SRP54: variants seen among roughly 807,000 people sequenced by gnomAD.
SRP54 encodes signal recognition particle subunit SRP54.
A neutral mutation model predicts 64.8 loss-of-function variants in SRP54; 10 were observed. The observed-to-expected ratio is 0.15, with a 90% CI of 0.10 to 0.26. SRP54 has a LOEUF of 0.26. SRP54 is among the 10% of genes least tolerant of loss of function. The pLI is 1.00. For synonymous variants in SRP54, 193 were observed against 185.6 expected, an observed-to-expected ratio of 1.04 and a Z score of -0.32; for missense variants, 325 against 613.7, an observed-to-expected ratio of 0.53 and a Z score of 4.97.
At chr14:35,001,577 G>A (rs554990103) in intron 4 of SRP54, among the ~76,000 whole-genome samples, 2 of 152,248 alleles carry the variant, frequency 1.3e-5, no homozygotes, top group East Asian at 1.9e-4. Flanking sequence ...CTACAGATTT[G>A]TTGATGGAAG....
intron 1 of SRP54, chr14:34,993,511 A>G (rs2044015753): frequency 3.3e-5 from 5 of 152,076 alleles, no homozygotes; most frequent in Admixed American, 3.3e-4. Flanking sequence ...AAATTACCAA[A>G]TTGTACTTGA....
intron 14 of SRP54, 64 bp from the exon 15 acceptor site, chr14:35,028,024 C>A: frequency 2.9e-6 from 3 of 1,030,504 alleles, no homozygotes; most frequent in East Asian, 2.5e-5. Flanking sequence ...TTCTATTATA[C>A]CCTGATTATA....
chr14:34,998,965 TTGTGTGTATGTGTG>T (rs1322356100), intron 2 of SRP54, among the ~76,000 whole-genome samples: 60 of 121,868 alleles, frequency 4.9e-4, no homozygotes, highest in Non-Finnish European at 8.1e-4. Flanking sequence ...TATTATTACT[TTGTGTGTATGTGTG>T]TGTGTGTGTG....
At chr14:34,993,806 C>T (rs1566642891) in intron 1 of SRP54, among the ~76,000 whole-genome samples, 1 of 151,904 alleles carries the variant, frequency 6.6e-6, no homozygotes, top group Non-Finnish European at 1.5e-5. Flanking sequence ...AGCGATTCAC[C>T]TGTCTCAGCC....
At chr14:35,009,853 C>A (rs1213574957) in intron 7 of SRP54, among the ~76,000 whole-genome samples, 7 of 151,934 alleles carry the variant, frequency 4.6e-5, no homozygotes, top group Non-Finnish European at 8.8e-5. Flanking sequence ...TATAGCAAGA[C>A]CTCATCTCTA....
chr14:35,005,238 T>C (rs1445466697), intron 4 of SRP54, among the ~76,000 whole-genome samples: 1 of 152,132 alleles, frequency 6.6e-6, no homozygotes, highest in Non-Finnish European at 1.5e-5. Flanking sequence ...GAGGCTGAGA[T>C]GGTAGGATCG....
chr14:34,996,542 G>A (rs926419508), intron 1 of SRP54, 135 bp from the exon 2 acceptor site: 13 of 525,464 alleles, frequency 2.5e-5, no homozygotes, highest in Non-Finnish European at 4.5e-5. Context: ...CTGTATTTAA[G>A]CACAGGTTGA....
chr14:34,988,582 T>TATATATATAAC (rs1555352774), intron 1 of SRP54, among the ~76,000 whole-genome samples: 1 of 35,076 alleles, frequency 2.9e-5, no homozygotes, highest in Non-Finnish European at 7.2e-5. Flanking sequence ...AAAAAAAATA[T>TATATATATAAC]ATATATATAT....
chr14:35,009,107 C>T (rs1566650366), intron 7 of SRP54, among the ~76,000 whole-genome samples: 1 of 151,936 alleles, frequency 6.6e-6, no homozygotes, highest in African/African-American at 2.4e-5. Context: ...AGGCTGGTCT[C>T]GAACTCCTGA....
In SRP54 at chr14:34,993,697, AT is replaced by A. The variant is rs398056985; in HGVS notation, c.-33-2977del. ...TGTTTGTCTTAAAATTAATTAATTA[AT>A]TTATTTATTTATTGAGATGGAGTTT... On this transcript the variant is annotated intron_variant, in intron 1 of 15. Coordinates refer to ENST00000216774, the MANE Select transcript of SRP54 (RefSeq NM_003136.4). Among the ~76,000 whole-genome samples, 695 of 151,810 alleles carry A rather than the reference AT, an allele frequency of 4.6e-3. 12 individuals carry two copies. Among genetic ancestry groups the A allele is most frequent in the African/African-American group, 0.015 (634 of 41,446 alleles).
In SRP54 at chr14:35,007,345, T is replaced by C. The variant is rs374057335; in HGVS notation, c.318T>C (p.Phe106=). Residue 106 remains phenylalanine, a synonymous_variant, in exon 5 of 16, where the codon TTT becomes TTC. Transcript: ENST00000216774. ...PTKGKQNVIM[F]VGLQGSGKTT... ...AAGGAAAACAAAATGTGATTATGTT[T>C]GTTGGATTGCAAGGGAGTGGTAAAA... The C allele has an allele frequency of 6.3e-7, 1 of 1,596,590 alleles. No individual in the cohort carries two copies. The highest frequency in any genetic ancestry group is 8.6e-7 in the Non-Finnish European group (1 of 1,168,036).
At chr14:35,002,246 C>G (rs1255357438) in intron 4 of SRP54, among the ~76,000 whole-genome samples, 1 of 151,584 alleles carries the variant, frequency 6.6e-6, no homozygotes, top group East Asian at 1.9e-4. Context: ...TCCAGCTACT[C>G]CGGAGGGTGA....
At chr14:35,003,677 C>T (rs2044213151) in intron 4 of SRP54, among the ~76,000 whole-genome samples, 1 of 150,826 alleles carries the variant, frequency 6.6e-6, no homozygotes, top group Non-Finnish European at 1.5e-5. Flanking sequence ...TCAGGTGATC[C>T]CTACACCTGA....
At chr14:35,007,549 T>C (rs2044277351) in intron 5 of SRP54, among the ~76,000 whole-genome samples, 162 bp downstream of exon 5, 1 of 143,040 alleles carries the variant, frequency 7.0e-6, no homozygotes, top group Admixed American at 7.1e-5. Flanking sequence ...TAAATAATGT[T>C]ATTTTATATA....
intron 11 of SRP54, among the ~76,000 whole-genome samples, chr14:35,017,724 C>T (rs1230994665): frequency 1.6e-4 from 25 of 152,100 alleles, no homozygotes; most frequent in Admixed American, 1.6e-3. Context: ...GGATACCTTT[C>T]TTTTTTTGAC....
At chr14:35,002,864 G>A (rs2044198898) in intron 4 of SRP54, among the ~76,000 whole-genome samples, 1 of 146,628 alleles carries the variant, frequency 6.8e-6, no homozygotes, top group Non-Finnish European at 1.5e-5. Context: ...CTGCCTCAGT[G>A]CCCCCCAAGT....
intron 12 of SRP54, 100 bp downstream of exon 12, chr14:35,018,865 A>G: frequency 1.4e-6 from 2 of 1,414,976 alleles, no homozygotes; most frequent in Non-Finnish European, 2.0e-6. Flanking sequence ...GTAAAAATAT[A>G]TCTAAGACTT....
chr14:35,020,055 C>T (rs1228091628), intron 13 of SRP54, among the ~76,000 whole-genome samples: 3 of 151,900 alleles, frequency 2.0e-5, no homozygotes, highest in Admixed American at 6.6e-5. Flanking sequence ...CGTGGTGGCA[C>T]ACACCTGTAA....
At position 35,016,850 on chromosome 14, in the gene SRP54, T is replaced by TC. The variant is rs1413104852; in HGVS notation, c.974-1842_974-1841insC. Among the ~76,000 whole-genome samples, 103 of 99,114 alleles carry TC rather than the reference T, an allele frequency of 1.0e-3. 8 individuals carry two copies. In the South Asian group the frequency reaches 0.035, roughly 33 times the overall value. 65.0% of individuals were successfully genotyped at this position (99,114 alleles called of 152,430 possible). ...TTGCCCCTTTTTTTTCTTTTCTTTT[T>TC]TTTTTTTTTTCTTCTTTTTTTGAGA... On this transcript the variant is annotated intron_variant, in intron 11 of 15. Transcript: ENST00000216774.
Sources: gnomAD v4.1 joint callset for allele counts (sites outside exome capture counted in the v4.1 genomes callset) on GRCh38, gnomAD v4.1.1 for gene constraint, MANE v1.5 for transcripts, NCBI Gene and HGNC (gene_info 2026-07-23, HGNC 2026-07-21) for gene names.